STAB1: variants seen among roughly 807,000 people sequenced by gnomAD.
STAB1 encodes stabilin-1.
In STAB1, 250 loss-of-function variants were observed where a neutral mutation model predicts 332.4. That is an observed-to-expected ratio of 0.75 (90% confidence interval 0.68 to 0.84). STAB1 has a LOEUF of 0.84. Ranked by LOEUF, STAB1 falls within the 40% of genes least tolerant of loss-of-function variation. The pLI, the probability that STAB1 is intolerant of heterozygous loss-of-function variation, is 0.00. For synonymous variants in STAB1, 1,475 were observed against 1,390.4 expected (o/e 1.06, Z -1.35); for missense variants, 3,249 against 3,489.7 (o/e 0.93, Z 1.74).
chr3:52,510,044 A>C lies in STAB1; in HGVS notation c.2522A>C (p.Glu841Ala). The change falls in exon 23 of 69, where the codon GAG (glutamate) becomes GCG (alanine). Residue 841 changes from glutamate to alanine, a missense_variant. By Grantham distance (107) the Glu-to-Ala change is moderately radical (BLOSUM62 -1). Coordinates refer to ENST00000321725, the MANE Select transcript of STAB1 (RefSeq NM_015136.3). ...CHLHARCVSQ[E>A]GVARCRCLDG... ...CTGCATGCCCGCTGTGTTAGCCAGG[A>C]GGGTGTTGCCAGGTGAGGACCCACA... is the stretch of plus-strand genomic sequence containing the variant. 1.2e-6 allele frequency: 2 copies of C among 1,609,528 alleles called. No homozygotes were observed. The highest frequency in any genetic ancestry group is 1.7e-6 in the Non-Finnish European group (2 of 1,177,370).
intron 6 of STAB1, 24 bp from the exon 7 acceptor site, chr3:52,502,975 C>T: frequency 6.6e-7 from 1 of 1,521,074 alleles, no homozygotes; most frequent in Non-Finnish European, 8.8e-7. Flanking sequence ...TTGGGCTCAT[C>T]AGTGCTCTCT....
Position 52,503,115 on chromosome 3 carries a change from C to T in STAB1, c.694+6C>T. 1 of 1,579,352 alleles carries T rather than the reference C, an allele frequency of 6.3e-7. No homozygotes were observed. Among genetic ancestry groups the T allele is most frequent in the Non-Finnish European group, 8.6e-7 (1 of 1,163,382 alleles). On this transcript the variant is annotated splice_donor_region_variant and intron_variant, in intron 7 of 68. Transcript: ENST00000321725. ...GCAGGGCAGTGAATGCCGAGGTGAG[C>T]CTGGACTCAGAGGCCAGGGACTTCA... is the stretch of plus-strand genomic sequence containing the variant.
Position 52,523,492 on chromosome 3 carries a change from C to T in STAB1, c.7206C>T (p.Ser2402=). The T allele has an allele frequency of 6.2e-7, 1 of 1,612,500 alleles. No individual in the cohort carries two copies. ...SNATLLSANA[S]QGKLLPAHSG... is the part of the protein sequence containing the mutation. ...CCACCCTCCTAAGTGCCAACGCCAG[C>T]CAGGGGAAGTTGCTTCCGGCCCACT... Residue 2402 remains serine, a synonymous_variant, in exon 65 of 69, where the codon AGC becomes AGT. Transcript: ENST00000321725.
intron 18 of STAB1, 105 bp downstream of exon 18, chr3:52,506,955 G>C: frequency 6.7e-7 from 1 of 1,487,496 alleles, no homozygotes. Context: ...CTGGGCTGAC[G>C]CCGGCTCTGA....
intron 25 of STAB1, 141 bp from the exon 26 acceptor site, chr3:52,511,509 C>T (rs745833116): frequency 2.8e-5 from 18 of 651,834 alleles, no homozygotes; most frequent in Admixed American, 1.2e-4. Flanking sequence ...GCACAGATCT[C>T]TGAGAGGAGG....
chr3:52,501,122 G>T, intron 1 of STAB1, 44 bp from the exon 2 acceptor site: 4 of 1,598,736 alleles, frequency 2.5e-6, no homozygotes, highest in Non-Finnish European at 2.6e-6. Context: ...TCAGGACTGG[G>T]CGTGGGGTCC....
chr3:52,517,864 T>G lies in STAB1; in HGVS notation c.4639-17T>G, dbSNP rs770452530. On this transcript the variant is annotated splice_polypyrimidine_tract_variant and intron_variant, in intron 44 of 68. Transcript: ENST00000321725. ...AGTGAAAGCCACTGATACCTTCCTC[T>G]CCTGTCCCTGACTCAGAACAATGGA... 2 of 1,612,004 alleles carry G rather than the reference T, an allele frequency of 1.2e-6. No individual in the cohort carries two copies. Among genetic ancestry groups the G allele is most frequent in the Non-Finnish European group, 1.7e-6 (2 of 1,179,676 alleles).
chr3:52,518,410 G>T (rs138388765), intron 46 of STAB1, 51 bp downstream of exon 46: 2 of 1,597,618 alleles, frequency 1.3e-6, no homozygotes, highest in Admixed American at 3.5e-5. Flanking sequence ...CCCCTCTCTG[G>T]ACTTCTGTCC....
Position 52,521,593 on chromosome 3 carries a change from C to T in STAB1, c.6059-3C>T, listed in dbSNP as rs1377406922. The stretch of plus-strand genomic sequence containing the variant: ...TTATCTTCCTGCCTGTCCCTCTCCC[C>T]AGCCTGCCGCTGCACTGTGCATGGC... On this transcript the variant is annotated splice_polypyrimidine_tract_variant and splice_region_variant and intron_variant, in intron 56 of 68. Transcript: ENST00000321725. The T allele has an allele frequency of 2.5e-6, 4 of 1,612,774 alleles. No individual in the cohort carries two copies. Among genetic ancestry groups the T allele is most frequent in the Non-Finnish European group, 3.4e-6 (4 of 1,179,792 alleles).
Position 52,505,294 on chromosome 3 carries a change from C to A in STAB1, c.1519-25C>A, listed in dbSNP as rs377075354. 102 of 1,612,976 alleles carry A rather than the reference C, an allele frequency of 6.3e-5. No individual in the cohort carries two copies. In the Middle Eastern group the frequency reaches 6.6e-4, roughly 10 times the overall value. ...AAGCAGCCTCACCCCTTCCCTGGGG[C>A]CCTCACACTCATCCCTCCTTACAGA... On this transcript the variant is annotated intron_variant, in intron 13 of 68. Transcript: ENST00000321725.
intron 14 of STAB1, 71 bp downstream of exon 14, chr3:52,505,452 T>C: frequency 6.6e-7 from 1 of 1,504,616 alleles, no homozygotes; most frequent in Non-Finnish European, 9.1e-7. Context: ...TTATCCCAGA[T>C]TCTGCCCCAC....
chr3:52,523,381 G>A (rs775762758), intron 64 of STAB1, 40 bp downstream of exon 64: 10 of 1,608,774 alleles, frequency 6.2e-6, no homozygotes, highest in African/African-American at 1.3e-5. Context: ...GCCTGCATTG[G>A]CCATCTCCAT....
At chr3:52,506,944 G>A (rs1386696362) in intron 18 of STAB1, 94 bp downstream of exon 18, 2 of 1,534,888 alleles carry the variant, frequency 1.3e-6, no homozygotes, top group Non-Finnish European at 1.8e-6. Flanking sequence ...CTAAGTCAGG[G>A]CTGGGCTGAC....
At position 52,520,530 on chromosome 3, in the gene STAB1, A is replaced by C; in HGVS notation, c.5630A>C (p.Glu1877Ala). Residue 1877 changes from glutamate (E) to alanine (A), a missense_variant, in exon 53 of 69, where the codon GAG becomes GCG. Physicochemically the swap from Glu to Ala is moderately radical, Grantham distance 107. Coordinates refer to ENST00000321725, the MANE Select transcript of STAB1 (RefSeq NM_015136.3). ...CTTGGTGCTCGCTGTGACCACTTTG[A>C]GACCCGGCCCCTGCGACTGGTGAGG... is the stretch of plus-strand genomic sequence containing the variant. ...PGLGARCDHFETRPLRLNTCS... is the reference protein window; with the variant it reads ...PGLGARCDHFATRPLRLNTCS... The C allele has an allele frequency of 6.2e-7, 1 of 1,611,642 alleles. No homozygotes were observed. The highest frequency in any genetic ancestry group is 1.7e-4 in the Middle Eastern group (1 of 6,060).
chr3:52,517,364 G>A lies in STAB1; in HGVS notation c.4534G>A (p.Ala1512Thr), dbSNP rs777237191. 2.8e-5 allele frequency: 45 copies of A among 1,605,232 alleles called. No homozygotes were observed. The highest frequency in any genetic ancestry group is 3.7e-5 in the Non-Finnish European group (43 of 1,176,286). ...CCACCACGGGGGCTGCCACATTCAC[G>A]CCGAGTGCATCCCCACTGGCCCCCA... Reference protein sequence around the residue: ...LIHHGGCHIHAECIPTGPQQV... With the variant: ...LIHHGGCHIHTECIPTGPQQV... Residue 1512 changes from alanine to threonine, a missense_variant, in exon 43 of 69, where the codon GCC (alanine) becomes ACC (threonine). Ala to Thr is a moderately conservative substitution (Grantham distance 58, BLOSUM62 0). Coordinates refer to ENST00000321725, the MANE Select transcript of STAB1 (RefSeq NM_015136.3).
chr3:52,521,806 T>G (rs779943527), intron 57 of STAB1, 38 bp from the exon 58 acceptor site: 1 of 1,594,928 alleles, frequency 6.3e-7, no homozygotes, highest in South Asian at 1.1e-5. Flanking sequence ...GGAAGGCAAC[T>G]ACTAACCTGG....
chr3:52,523,915 G>C lies in STAB1; in HGVS notation c.7440G>C (p.Val2480=), dbSNP rs769683774. 9 of 1,608,980 alleles carry C rather than the reference G, an allele frequency of 5.6e-6. No homozygotes were observed. The highest frequency in any genetic ancestry group is 1.7e-5 in the Admixed American group (1 of 60,004). ...AAGCCCCACCTGTGGCGGCAGGCGT[G>C]GGGGCTGTGCTTGCCGCTGGAGCAC... ...APEAPPVAAG[V]GAVLAAGALL... is the part of the protein sequence containing the mutation. The change falls in exon 67 of 69, where the codon GTG becomes GTC. Residue 2480 remains valine (V), a synonymous_variant. Transcript: ENST00000321725.
chr3:52,524,139 G>A lies in STAB1; in HGVS notation c.7582G>A (p.Glu2528Lys). The change falls in exon 68 of 69, where the codon GAA becomes AAA. Residue 2528 changes from glutamate (E) to lysine (K), a missense_variant. Physicochemically the swap from Glu to Lys is moderately conservative, Grantham distance 56. Transcript: ENST00000321725. Reference sequence around the variant, plus strand: ...TGATGACGACTTCTCACCGTGGCAAGAAGGGACCAACCCCACCCTGGTCTC... The same window carrying A: ...TGATGACGACTTCTCACCGTGGCAAAAAGGGACCAACCCCACCCTGGTCTC... ...DADDDFSPWQEGTNPTLVSVP... is the reference protein window; with the variant it reads ...DADDDFSPWQKGTNPTLVSVP... 6.2e-7 allele frequency: 1 copy of A among 1,613,962 alleles called. No individual in the cohort carries two copies. Among genetic ancestry groups the A allele is most frequent in the African/African-American group, 1.3e-5 (1 of 75,072 alleles).
rs2078992787 is a variant in STAB1, at chr3:52,519,329, C to T, written c.5100C>T (p.Ile1700=). The T allele has an allele frequency of 2.5e-6, 4 of 1,613,148 alleles. No homozygotes were observed. The highest frequency in any genetic ancestry group is 3.4e-6 in the Non-Finnish European group (4 of 1,179,998). The change falls in exon 49 of 69, where the codon ATC becomes ATT. Residue 1700 remains isoleucine (I), a synonymous_variant. Coordinates refer to ENST00000321725, the MANE Select transcript of STAB1 (RefSeq NM_015136.3). ...VSSDHEAVNG[I]LHFIDRVLLP... Reference sequence around the variant, plus strand: ...GCGACCATGAGGCCGTGAACGGCATCCTGCACTTCATTGACCGTGTCCTGC... The same window carrying T: ...GCGACCATGAGGCCGTGAACGGCATTCTGCACTTCATTGACCGTGTCCTGC...
Sources: gnomAD v4.1 joint callset for allele counts on GRCh38, gnomAD v4.1.1 for gene constraint, MANE v1.5 for transcripts, NCBI Gene and HGNC (gene_info 2026-07-23, HGNC 2026-07-21) for gene names.